Variants in TMEM178B observed in about 807,000 individuals in gnomAD.
The protein encoded by TMEM178B is transmembrane protein 178B.
Under a neutral mutation model 31.0 loss-of-function variants are expected in TMEM178B, and 5 were observed. The observed-to-expected ratio is 0.16, with a 90% CI of 0.08 to 0.34. The LOEUF (loss-of-function observed/expected upper bound fraction) is 0.34. TMEM178B is among the 10% of genes least tolerant of loss of function. The pLI is 1.00. For synonymous variants in TMEM178B, 164 were observed against 164.0 expected (o/e 1.00, Z 0.00); for missense variants, 275 against 400.3 (o/e 0.69, Z 2.67).
At chr7:141,400,020 T>C (rs549666798) in intron 2 of TMEM178B, among the ~76,000 whole-genome samples, 91 of 152,240 alleles carry the variant, frequency 6.0e-4, no homozygotes, top group African/African-American at 2.0e-3. Flanking sequence ...CTGTGTTGGG[T>C]TCTGGGAACA....
At chr7:141,506,388 C>G in the TMEM178B span, among the ~76,000 whole-genome samples, 6 of 152,164 alleles carry the variant, frequency 3.9e-5, no homozygotes, top group Non-Finnish European at 8.8e-5. Context: ...TTCCACATGG[C>G]TGGGAGGCCT....
intron 2 of TMEM178B, among the ~76,000 whole-genome samples, chr7:141,339,159 C>T (rs1170875020): frequency 2.6e-5 from 4 of 152,114 alleles, no homozygotes; most frequent in African/African-American, 9.7e-5. Context: ...AGCGAAGTTC[C>T]CTGGGGGCTG....
chr7:141,400,041 T>C (rs1034755722), intron 2 of TMEM178B, among the ~76,000 whole-genome samples: 3 of 152,116 alleles, frequency 2.0e-5, no homozygotes, highest in Non-Finnish European at 4.4e-5. Context: ...CAAAGATAAA[T>C]AGAAGCTGAT....
chr7:141,183,356 G>A (rs1216173153), intron 1 of TMEM178B, among the ~76,000 whole-genome samples: 2 of 152,150 alleles, frequency 1.3e-5, no homozygotes, highest in South Asian at 2.1e-4. Context: ...AAAATGCACA[G>A]GAAATTAATT....
chr7:141,500,081 G>A, the TMEM178B span, among the ~76,000 whole-genome samples: 1 of 152,262 alleles, frequency 6.6e-6, no homozygotes, highest in Admixed American at 6.5e-5. Context: ...ATAAAACTGT[G>A]TATAGAGGAG....
At chr7:141,138,979 A>G (rs926006098) in intron 1 of TMEM178B, among the ~76,000 whole-genome samples, 5 of 151,560 alleles carry the variant, frequency 3.3e-5, no homozygotes, top group Admixed American at 6.6e-5. Context: ...GTGAGACTCC[A>G]TGTCAAAAAA....
intron 1 of TMEM178B, among the ~76,000 whole-genome samples, chr7:141,138,995 G>GA (rs1032235928): frequency 6.1e-4 from 91 of 149,714 alleles, no homozygotes; most frequent in African/African-American, 2.0e-3. Context: ...AAAAAAAAAA[G>GA]AAAAAAAAAG....
chr7:141,329,878 C>T (rs1469527480), intron 2 of TMEM178B, among the ~76,000 whole-genome samples: 1 of 152,202 alleles, frequency 6.6e-6, no homozygotes, highest in Non-Finnish European at 1.5e-5. Flanking sequence ...GGACATGACA[C>T]TCACACAAAG....
chr7:141,345,756 A>C (rs530675798), intron 2 of TMEM178B, among the ~76,000 whole-genome samples: 7 of 152,360 alleles, frequency 4.6e-5, no homozygotes, highest in Non-Finnish European at 1.0e-4. Context: ...TTACTAAAAA[A>C]TGCTTACTGA....
intron 2 of TMEM178B, among the ~76,000 whole-genome samples, chr7:141,372,665 A>G (rs938245077): frequency 2.6e-5 from 4 of 152,232 alleles, no homozygotes; most frequent in African/African-American, 9.6e-5. Flanking sequence ...GGAAGTGTCT[A>G]TGTTCCCATA....
intron 2 of TMEM178B, among the ~76,000 whole-genome samples, chr7:141,329,511 T>G: frequency 6.6e-6 from 1 of 152,244 alleles, no homozygotes; most frequent in East Asian, 1.9e-4. Context: ...TTGCCTTTTA[T>G]TCCTCTTCCA....
Position 141,471,460 on chromosome 7 carries a change from C to A in TMEM178B, c.*674C>A, listed in dbSNP as rs1426111134. The A allele has an allele frequency of 6.6e-6, 1 of 152,244 alleles. No homozygotes were observed. The highest frequency in any genetic ancestry group is 1.5e-5 in the Non-Finnish European group (1 of 68,094). 9.4% of individuals were successfully genotyped at this position (152,244 alleles called of 1,614,324 possible). On this transcript the variant is annotated 3_prime_UTR_variant, in exon 4 of 4. Coordinates refer to ENST00000565468, the MANE Select transcript of TMEM178B (RefSeq NM_001195278.2). The surrounding 1 kb of genome is among the most constrained non-coding windows in gnomAD (Gnocchi z 4.1). ...TGGATGCTCAGACAACCCAGTCTTACCTTCCAGCTGCCTTACACCCAGTGA... is the reference window on the plus strand; with the variant it reads ...TGGATGCTCAGACAACCCAGTCTTAACTTCCAGCTGCCTTACACCCAGTGA...
chr7:141,367,827 A>C (rs536918719), intron 2 of TMEM178B, among the ~76,000 whole-genome samples: 1 of 152,142 alleles, frequency 6.6e-6, no homozygotes, highest in Non-Finnish European at 1.5e-5. Context: ...GTGGTTAACC[A>C]AGGGAAGGTG....
At chr7:141,245,170 CAAAAAAAAAAAAAAAAAAAA>C (rs59281560) in intron 2 of TMEM178B, among the ~76,000 whole-genome samples, 51 of 23,110 alleles carry the variant, frequency 2.2e-3, no homozygotes, top group African/African-American at 2.9e-3. Flanking sequence ...ACTCCATCAC[CAAAAAAAAAAAAAAAAAAAA>C]AAAAAAAAAA....
intron 2 of TMEM178B, 145 bp from the exon 3 acceptor site, chr7:141,437,463 T>C: frequency 1.9e-6 from 2 of 1,067,158 alleles, no homozygotes; most frequent in African/African-American, 1.6e-5. Flanking sequence ...TCTGCAAAGA[T>C]TGTGTGCTCC....
rs1467112449 is a variant in TMEM178B at position 141,171,822 on chromosome 7, G to A, written c.383-40769G>A. Among the ~76,000 whole-genome samples, 3 of 144,858 alleles carry A rather than the reference G, an allele frequency of 2.1e-5. No homozygotes were observed. The highest frequency in any genetic ancestry group is 4.5e-5 in the Non-Finnish European group (3 of 66,204). On this transcript the variant is annotated intron_variant, in intron 1 of 3. Transcript: ENST00000565468. The surrounding 1 kb of genome is among the most constrained non-coding windows in gnomAD (Gnocchi z 4.3). ...CCTAACACTGTGCTAGCATTTATCA[G>A]GCTCTCAATACACATTTGTGAATGA... is the stretch of plus-strand genomic sequence containing the variant.
chr7:141,234,353 G>A (rs1408746669), intron 2 of TMEM178B, among the ~76,000 whole-genome samples: 1 of 152,160 alleles, frequency 6.6e-6, no homozygotes, highest in Non-Finnish European at 1.5e-5. Context: ...TTGAACAATG[G>A]CTGGGACTTC....
At chr7:141,372,994 T>C (rs565935348) in intron 2 of TMEM178B, among the ~76,000 whole-genome samples, 2 of 152,300 alleles carry the variant, frequency 1.3e-5, no homozygotes, top group East Asian at 3.9e-4. Flanking sequence ...GGTTTTAGTG[T>C]CAAGACAGCC....
intron 2 of TMEM178B, among the ~76,000 whole-genome samples, chr7:141,281,986 G>A (rs1193511101): frequency 6.6e-6 from 1 of 152,218 alleles, no homozygotes; most frequent in East Asian, 1.9e-4. Context: ...CATTTTGCTG[G>A]TAGAGTAGGG....
Sources: gnomAD v4.1 joint callset for allele counts (sites outside exome capture counted in the v4.1 genomes callset) on GRCh38, gnomAD v4.1.1 for gene constraint, Gnocchi (gnomAD v3.1) non-coding constraint, MANE v1.5 for transcripts, NCBI Gene and HGNC (gene_info 2026-07-23, HGNC 2026-07-21) for gene names.